FNDC3B: variants seen among roughly 807,000 people sequenced by gnomAD.
FNDC3B encodes the protein fibronectin type III domain containing 3B.
FNDC3B carries 12 observed loss-of-function variants against 151.5 expected under a neutral mutation model. The ratio of observed to expected loss-of-function variants is 0.08; its 90% CI spans 0.05 to 0.13. The LOEUF (loss-of-function observed/expected upper bound fraction) is 0.13. Ranked by LOEUF, FNDC3B falls within the 10% of genes least tolerant of loss-of-function variation. FNDC3B has a pLI of 1.00. For synonymous variants in FNDC3B, 528 were observed against 549.0 expected (o/e 0.96, Z 0.54); for missense variants, 1,214 against 1,505.3 (o/e 0.81, Z 3.20).
At chr3:172,082,158 G>T (rs938536511) in intron 1 of FNDC3B, among the ~76,000 whole-genome samples, 1 of 152,214 alleles carries the variant, frequency 6.6e-6, no homozygotes, top group East Asian at 1.9e-4. Flanking sequence ...TATAGTTTTG[G>T]CATTTGAATT....
intron 3 of FNDC3B, among the ~76,000 whole-genome samples, chr3:172,181,411 A>AC (rs1160579617): frequency 2.3e-4 from 33 of 144,694 alleles, no homozygotes; most frequent in Non-Finnish European, 4.3e-4. Context: ...AAAAAAAAAA[A>AC]AAACAAAAAA....
intron 1 of FNDC3B, among the ~76,000 whole-genome samples, chr3:172,072,757 A>G (rs151105880): frequency 1.4e-3 from 213 of 152,296 alleles, no homozygotes; most frequent in African/African-American, 1.6e-3. Context: ...TTAACTCTTT[A>G]TCTTTCTCCT....
At chr3:172,069,747 C>G (rs562878263) in intron 1 of FNDC3B, among the ~76,000 whole-genome samples, 9 of 152,288 alleles carry the variant, frequency 5.9e-5, no homozygotes, top group Admixed American at 3.9e-4. Flanking sequence ...TAGTCTTCTT[C>G]AATTTAATTG....
At chr3:172,141,658 G>GA (rs111285509) in intron 3 of FNDC3B, among the ~76,000 whole-genome samples, 2,240 of 152,246 alleles carry the variant, frequency 0.015, 33 homozygotes, top group African/African-American at 0.04. Flanking sequence ...CCAACATGGT[G>GA]AAACCCCATC....
chr3:172,189,799 T>TAAAAAAAAAAAAAAA (rs60894339), intron 3 of FNDC3B, among the ~76,000 whole-genome samples: 2 of 84,296 alleles, frequency 2.4e-5, no homozygotes, highest in African/African-American at 9.7e-5. Flanking sequence ...AGACCTTGTC[T>TAAAAAAAAAAAAAAA]AAAAAAAAAA....
chr3:172,209,736 C>T (rs950082011), intron 3 of FNDC3B, among the ~76,000 whole-genome samples: 2 of 152,232 alleles, frequency 1.3e-5, no homozygotes, highest in Admixed American at 1.3e-4. Flanking sequence ...CAGGGACCTG[C>T]CCCTTCCTGC....
intron 23 of FNDC3B, among the ~76,000 whole-genome samples, chr3:172,370,698 G>A (rs539861981): frequency 6.6e-6 from 1 of 152,142 alleles, no homozygotes; most frequent in Non-Finnish European, 1.5e-5. Context: ...GCTCTGTCCC[G>A]CCATGGAGTA....
chr3:172,335,227 G>T, intron 15 of FNDC3B, 145 bp downstream of exon 15: 1 of 645,274 alleles, frequency 1.5e-6, no homozygotes, highest in Non-Finnish European at 2.4e-6. Context: ...ATATGTGTGA[G>T]AAACATCCTG....
intron 6 of FNDC3B, among the ~76,000 whole-genome samples, chr3:172,279,961 T>TA (rs1320752312): frequency 1.3e-5 from 2 of 152,210 alleles, no homozygotes; most frequent in African/African-American, 4.8e-5. Flanking sequence ...TTGCATAGGC[T>TA]GGAGTGCAGT....
intron 3 of FNDC3B, among the ~76,000 whole-genome samples, chr3:172,190,261 A>G (rs945224478): frequency 6.6e-6 from 1 of 152,226 alleles, no homozygotes; most frequent in African/African-American, 2.4e-5. Flanking sequence ...TGGGAATGGT[A>G]GCAAGTCAGA....
rs1446048785 is a variant in FNDC3B at position 172,334,941 on chromosome 3, T to C, written c.1642-3T>C. The C allele has an allele frequency of 6.2e-7, 1 of 1,611,350 alleles. No homozygotes were observed. The highest frequency in any genetic ancestry group is 1.3e-5 in the African/African-American group (1 of 74,768). The stretch of plus-strand genomic sequence containing the variant: ...TGTTAACGTTTCCTTGGTTGTGTTC[T>C]AGCTGACTGCTTCTAATACGGAAGG... On this transcript the variant is annotated splice_polypyrimidine_tract_variant and splice_region_variant and intron_variant, in intron 14 of 25. Coordinates refer to ENST00000415807, the MANE Select transcript of FNDC3B (RefSeq NM_022763.4).
chr3:172,214,989 A>C (rs1281649188), intron 3 of FNDC3B, among the ~76,000 whole-genome samples: 1 of 152,242 alleles, frequency 6.6e-6, no homozygotes, highest in African/African-American at 2.4e-5. Context: ...AAAGCAATAC[A>C]TGATTATTAC....
At chr3:172,150,108 C>T (rs1034822562) in intron 3 of FNDC3B, among the ~76,000 whole-genome samples, 3 of 152,176 alleles carry the variant, frequency 2.0e-5, no homozygotes, top group Non-Finnish European at 4.4e-5. Flanking sequence ...TGAGCCACCA[C>T]GCCCAGCCAT....
chr3:172,231,107 G>C (rs1453227901), intron 4 of FNDC3B, among the ~76,000 whole-genome samples: 1 of 152,116 alleles, frequency 6.6e-6, no homozygotes, highest in Non-Finnish European at 1.5e-5. Flanking sequence ...TTCACACAAT[G>C]GACTATTATT....
At chr3:172,376,007 A>G (rs1299872379) in intron 23 of FNDC3B, among the ~76,000 whole-genome samples, 1 of 152,134 alleles carries the variant, frequency 6.6e-6, no homozygotes, top group Non-Finnish European at 1.5e-5. Flanking sequence ...CTAGACACAA[A>G]TGGGGTCATT....
intron 22 of FNDC3B, among the ~76,000 whole-genome samples, chr3:172,353,962 G>GAAAAAAAAA (rs373524382): frequency 6.7e-6 from 1 of 148,612 alleles, no homozygotes; most frequent in African/African-American, 2.5e-5. Context: ...TGATCTTGGG[G>GAAAAAAAAA]AAAAAAAAAA....
rs59614781 is a variant in FNDC3B at position 172,310,086 on chromosome 3, G to C, written c.1201-742G>C. ...AACTTGTAGTTCCACTGTCTCTCTA[G>C]ATCTGTCTACCCTAATGCTCCAAGA... On this transcript the variant is annotated intron_variant, in intron 10 of 25. Transcript: ENST00000415807. Among the ~76,000 whole-genome samples the C allele has an allele frequency of 6.0e-3, 919 of 152,192 alleles. 7 individuals are homozygous for C. Among genetic ancestry groups the C allele is most frequent in the African/African-American group, 0.021 (873 of 41,522 alleles).
At chr3:172,291,189 G>A (rs963946548) in intron 7 of FNDC3B, among the ~76,000 whole-genome samples, 8 of 152,170 alleles carry the variant, frequency 5.3e-5, no homozygotes, top group African/African-American at 1.9e-4. Flanking sequence ...ATAGCTACAG[G>A]ACAATGCGGT....
At chr3:172,371,985 A>G (rs965221956) in intron 23 of FNDC3B, among the ~76,000 whole-genome samples, 3 of 152,220 alleles carry the variant, frequency 2.0e-5, no homozygotes, top group Admixed American at 6.5e-5. Context: ...AGTGCTAGGC[A>G]TTGTCTAGTG....
Sources: gnomAD v4.1 joint callset for allele counts (sites outside exome capture counted in the v4.1 genomes callset) on GRCh38, gnomAD v4.1.1 for gene constraint, MANE v1.5 for transcripts, NCBI Gene and HGNC (gene_info 2026-07-23, HGNC 2026-07-21) for gene names.